MUC17: variants seen among roughly 807,000 people sequenced by gnomAD.
The protein encoded by MUC17 is mucin 17, cell surface associated.
In MUC17, 190 loss-of-function variants were observed where a neutral mutation model predicts 170.3. That is an observed-to-expected ratio of 1.12 (90% CI 0.99 to 1.26). MUC17 has a LOEUF of 1.26. Among genes scored for constraint, MUC17 ranks in the 50% most tolerant of loss-of-function variants. The pLI is 0.00. For missense variants in MUC17, 6,415 were observed against 5,530.0 expected, an observed-to-expected ratio of 1.16 and a Z score of -5.08; for synonymous variants, 2,325 against 2,002.5, an observed-to-expected ratio of 1.16 and a Z score of -4.30.
At position 101,036,141 on chromosome 7, in the gene MUC17, A is replaced by G. The variant is rs1794470167; in HGVS notation, c.4725A>G (p.Leu1575=). ...CTTATAGTGAAGGAAGCACTCCACT[A>G]ACAAGTTTGCCTGTCAGCACCATGC... ...TSTYSEGSTP[L]TSLPVSTMLV... The change falls in exon 3 of 13, where the codon CTA becomes CTG. Residue 1575 remains leucine (L), a synonymous_variant. Transcript: ENST00000306151. 6.2e-7 allele frequency: 1 copy of G among 1,613,000 alleles called. No homozygotes were observed. Among genetic ancestry groups the G allele is most frequent in the Non-Finnish European group, 8.5e-7 (1 of 1,179,384 alleles).
At chr7:101,048,237 T>TTTTTG (rs377501851) in intron 4 of MUC17, 122 bp downstream of exon 4, 111 of 1,039,226 alleles carry the variant, frequency 1.1e-4, no homozygotes, top group East Asian at 6.2e-4. Context: ...GCTGTGGTGT[T>TTTTTG]TTTTGTTTTG....
chr7:101,050,444 C>A, intron 6 of MUC17, 40 bp from the exon 7 acceptor site: 1 of 1,598,948 alleles, frequency 6.3e-7, no homozygotes, highest in Non-Finnish European at 8.5e-7. Flanking sequence ...GAGGTAAGCA[C>A]CCTATTCTGA....
rs756708660 is a variant in MUC17, at chr7:101,039,623, C to CT, written c.8208dup (p.Glu2737Ter). 2.5e-6 allele frequency: 4 copies of CT among 1,612,828 alleles called. No homozygotes were observed. The African/African-American group carries it at 5.4e-5, about 22-fold the overall frequency. On this transcript the variant is annotated frameshift_variant, in exon 3 of 13. Transcript: ENST00000306151. LOFTEE classifies it high-confidence loss of function. ...GAAGCCAGTTCTTCTCCTACAACTG[C>CT]TGAAGGTACCAGCATGCGAATCTCA...
Position 101,038,026 on chromosome 7 carries a change from A to G in MUC17, c.6610A>G (p.Thr2204Ala). ...TACTGAAGCCCGTTCATCTCCTACA[A>G]CTTCTGAAGGTACCAGCATGCCAAC... ...NSTEARSSPT[T>A]SEGTSMPTST... Residue 2204 changes from threonine (T) to alanine (A), a missense_variant, in exon 3 of 13, where the codon ACT (threonine) becomes GCT (alanine). Physicochemically the swap from Thr to Ala is moderately conservative, Grantham distance 58. Transcript: ENST00000306151. The G allele has an allele frequency of 2.5e-6, 4 of 1,607,060 alleles. No homozygotes were observed. The highest frequency in any genetic ancestry group is 1.3e-5 in the African/African-American group (1 of 74,172).
In MUC17 at chr7:101,036,598, C is replaced by G; in HGVS notation, c.5182C>G (p.Arg1728Gly). The change falls in exon 3 of 13, where the codon CGT becomes GGT. Residue 1728 changes from arginine to glycine, a missense_variant. By Grantham distance (125) the Arg-to-Gly change is moderately radical. Transcript: ENST00000306151. ...STPVTTSTEA[R>G]SSPTTSEGTS... The stretch of plus-strand genomic sequence containing the variant: ...ACCTGTGACCACTTCTACTGAAGCC[C>G]GTTCATCTCCTACAACTTCTGAAGG... The G allele has an allele frequency of 6.2e-7, 1 of 1,610,380 alleles. No individual in the cohort carries two copies. The highest frequency in any genetic ancestry group is 8.5e-7 in the Non-Finnish European group (1 of 1,178,662).
At chr7:101,050,857 A>G (rs912682833) in intron 7 of MUC17, among the ~76,000 whole-genome samples, 4 of 152,006 alleles carry the variant, frequency 2.6e-5, no homozygotes, top group Non-Finnish European at 5.9e-5. Flanking sequence ...TCCCTGGGGT[A>G]AGGGAAGGGA....
rs140340852 is a variant in MUC17, at chr7:101,034,220, C to A, written c.2804C>A (p.Pro935Gln). 1 of 1,595,736 alleles carries A rather than the reference C, an allele frequency of 6.3e-7. No homozygotes were observed. Among genetic ancestry groups the A allele is most frequent in the South Asian group, 1.1e-5 (1 of 88,852 alleles). The stretch of plus-strand genomic sequence containing the variant: ...ACAAGTATGCCTGACAGCACCACGC[C>A]GGTAGTCAGTTCTGAGGCTAGAACA... ...PLTSMPDSTT[P>Q]VVSSEARTLS... Residue 935 changes from proline (P) to glutamine (Q), a missense_variant, in exon 3 of 13, where the codon CCG (proline) becomes CAG (glutamine). Physicochemically the swap from Pro to Gln is moderately conservative, Grantham distance 76. Coordinates refer to ENST00000306151, the MANE Select transcript of MUC17 (RefSeq NM_001040105.2).
chr7:101,057,067 C>A (rs1182517704), intron 12 of MUC17, among the ~76,000 whole-genome samples: 4 of 152,032 alleles, frequency 2.6e-5, no homozygotes. Flanking sequence ...TAGAGGTATT[C>A]TAGGATTGGA....
At position 101,050,505 on chromosome 7, in the gene MUC17, G is replaced by A. The variant is rs1201039408; in HGVS notation, c.12744G>A (p.Glu4248=). 4 of 1,613,964 alleles carry A rather than the reference G, an allele frequency of 2.5e-6. No individual in the cohort carries two copies. Among genetic ancestry groups the A allele is most frequent in the Middle Eastern group, 1.6e-4 (1 of 6,062 alleles). ...TCAGTCTTGGCAGTGTGGTGGTGGA[G>A]CATGACGTCCTCCTAAGAACCAAGT... The part of the protein sequence containing the change: ...TKLRLGSVVV[E]HDVLLRTKYT... Residue 4248 remains glutamate, a synonymous_variant, in exon 7 of 13, where the codon GAG becomes GAA. Transcript: ENST00000306151.
chr7:101,056,293 G>A (rs570584058), intron 12 of MUC17, 23 bp downstream of exon 12: 3 of 1,612,652 alleles, frequency 1.9e-6, no homozygotes, highest in African/African-American at 2.7e-5. Context: ...TGGATGGGAT[G>A]CTGGCCTCCC....
Position 101,037,972 on chromosome 7 carries a change from G to A in MUC17, c.6556G>A (p.Val2186Ile). Reference protein sequence around the residue: ...SAISTLSTTPVDTSTPVTNST... With the variant: ...SAISTLSTTPIDTSTPVTNST... The stretch of plus-strand genomic sequence containing the variant: ...AATCAGCACCCTTTCAACAACTCCT[G>A]TTGACACCAGCACACCTGTGACCAA... Residue 2186 changes from valine to isoleucine, a missense_variant, in exon 3 of 13, where the codon GTT becomes ATT. Coordinates refer to ENST00000306151, the MANE Select transcript of MUC17 (RefSeq NM_001040105.2). 1 of 1,608,536 alleles carries A rather than the reference G, an allele frequency of 6.2e-7. No homozygotes were observed. The highest frequency in any genetic ancestry group is 1.1e-5 in the South Asian group (1 of 90,242).
Position 101,032,988 on chromosome 7 carries a change from C to A in MUC17, c.1572C>A (p.Ala524=). 1.5e-5 allele frequency: 24 copies of A among 1,614,126 alleles called. No homozygotes were observed. The highest frequency in any genetic ancestry group is 1.9e-5 in the Non-Finnish European group (23 of 1,180,020). The change falls in exon 3 of 13, where the codon GCC becomes GCA. Residue 524 remains alanine (A), a synonymous_variant. Coordinates refer to ENST00000306151, the MANE Select transcript of MUC17 (RefSeq NM_001040105.2). ...TSMSVSTMPV[A]SSEASTLSTT... is the part of the protein sequence containing the mutation. Reference sequence around the variant, plus strand: ...TGTCTGTCAGCACCATGCCGGTGGCCAGTTCTGAGGCTAGCACCCTTTCAA... The same window carrying A: ...TGTCTGTCAGCACCATGCCGGTGGCAAGTTCTGAGGCTAGCACCCTTTCAA...
chr7:101,042,046 T>G lies in MUC17; in HGVS notation c.10630T>G (p.Ser3544Ala). ...CACCCTTTCAACAACTCCTGTTGAC[T>G]CCAACACTTTTGTTACCAGTTCTAG... is the stretch of plus-strand genomic sequence containing the variant. ...ASTLSTTPVD[S>A]NTFVTSSSQA... Residue 3544 changes from serine to alanine, a missense_variant, in exon 3 of 13, where the codon TCC (serine) becomes GCC (alanine). Coordinates refer to ENST00000306151, the MANE Select transcript of MUC17 (RefSeq NM_001040105.2). The G allele has an allele frequency of 1.2e-6, 2 of 1,608,848 alleles. No individual in the cohort carries two copies. The highest frequency in any genetic ancestry group is 2.2e-5 in the South Asian group (2 of 90,902).
chr7:101,031,156 G>A lies in MUC17; in HGVS notation c.119G>A (p.Gly40Glu). Reference protein sequence around the residue: ...SVNRAVWDGGGCISQGDVLNR... With the variant: ...SVNRAVWDGGECISQGDVLNR... ...AACAGGGCTGTGTGGGATGGAGGAG[G>A]GTGCATCTCCCAAGGGGACGTCTTG... Residue 40 changes from glycine to glutamate, a missense_variant, in exon 2 of 13, where the codon GGG (glycine) becomes GAG (glutamate). Physicochemically the swap from Gly to Glu is moderately conservative, Grantham distance 98. Transcript: ENST00000306151. The A allele has an allele frequency of 6.2e-7, 1 of 1,613,802 alleles. No homozygotes were observed. The highest frequency in any genetic ancestry group is 8.5e-7 in the Non-Finnish European group (1 of 1,179,870).
Position 101,032,537 on chromosome 7 carries a change from T to C in MUC17, c.1121T>C (p.Leu374Pro), listed in dbSNP as rs758490312. 3.1e-6 allele frequency: 5 copies of C among 1,610,714 alleles called. No individual in the cohort carries two copies. In the African/African-American group the frequency reaches 4.1e-5, roughly 13 times the overall value. Reference protein sequence around the residue: ...LVTTSTEPSSLPTTAEATSML... With the variant: ...LVTTSTEPSSPPTTAEATSML... Reference sequence around the variant, plus strand: ...ACCACTTCTACTGAACCCAGTTCACTTCCTACAACTGCTGAAGCTACCAGC... The same window carrying C: ...ACCACTTCTACTGAACCCAGTTCACCTCCTACAACTGCTGAAGCTACCAGC... Residue 374 changes from leucine to proline, a missense_variant, in exon 3 of 13, where the codon CTT becomes CCT. By Grantham distance (98) the Leu-to-Pro change is moderately conservative. Coordinates refer to ENST00000306151, the MANE Select transcript of MUC17 (RefSeq NM_001040105.2).
At chr7:101,031,255 G>T in intron 2 of MUC17, 34 bp downstream of exon 2, 1 of 1,596,486 alleles carries the variant, frequency 6.3e-7, no homozygotes, top group South Asian at 1.1e-5. Context: ...TATCTGGGAA[G>T]GTGGCTCACC....
At position 101,037,421 on chromosome 7, in the gene MUC17, C is replaced by T; in HGVS notation, c.6005C>T (p.Ala2002Val). The T allele has an allele frequency of 6.2e-7, 1 of 1,611,512 alleles. No individual in the cohort carries two copies. Among genetic ancestry groups the T allele is most frequent in the Non-Finnish European group, 8.5e-7 (1 of 1,178,466 alleles). Reference protein sequence around the residue: ...LSTTLVVSSEASTLSTTPVDT... With the variant: ...LSTTLVVSSEVSTLSTTPVDT... ...ACCACGCTGGTGGTCAGTTCTGAGG[C>T]TAGCACTCTTTCCACAACTCCTGTT... The change falls in exon 3 of 13, where the codon GCT (alanine) becomes GTT (valine). Residue 2002 changes from alanine (A) to valine (V), a missense_variant. Coordinates refer to ENST00000306151, the MANE Select transcript of MUC17 (RefSeq NM_001040105.2).
Position 101,032,869 on chromosome 7 carries a change from A to G in MUC17, c.1453A>G (p.Thr485Ala), listed in dbSNP as rs764213479. 145 of 1,613,776 alleles carry G rather than the reference A, an allele frequency of 9.0e-5. No individual in the cohort carries two copies. The highest frequency in any genetic ancestry group is 8.8e-4 in the South Asian group (80 of 91,068). ...TPVDSKTQVT[T>A]STEASSSPPT... is the part of the protein sequence containing the mutation. ...TGTTGACTCCAAAACTCAGGTGACC[A>G]CTTCTACTGAAGCCAGTTCATCTCC... Residue 485 changes from threonine to alanine, a missense_variant, in exon 3 of 13, where the codon ACT (threonine) becomes GCT (alanine). By Grantham distance (58) the Thr-to-Ala change is moderately conservative (BLOSUM62 0). Transcript: ENST00000306151.
At chr7:101,047,473 T>C (rs1430831967) in intron 3 of MUC17, among the ~76,000 whole-genome samples, 1 of 152,176 alleles carries the variant, frequency 6.6e-6, no homozygotes, top group Non-Finnish European at 1.5e-5. Context: ...TTTGCGTATC[T>C]GTGAAGTGAG....
Sources: allele counts gnomAD v4.1 joint callset (sites outside exome capture counted in the v4.1 genomes callset), GRCh38; gene constraint gnomAD v4.1.1; transcripts MANE v1.5; gene names NCBI Gene and HGNC (gene_info 2026-07-23, HGNC 2026-07-21).